The following ATP10B variants were observed in gnomAD, a reference collection of about 807,000 sequenced individuals.
ATP10B encodes ATPase phospholipid transporting 10B (putative).
In ATP10B, 122 loss-of-function variants were observed where a neutral mutation model predicts 141.2. That is an observed-to-expected ratio of 0.86 (90% CI 0.75 to 1.00). The LOEUF is 1.00. Ranked by LOEUF, ATP10B falls within the 50% of genes least tolerant of loss-of-function variation. The pLI is 0.00. For synonymous variants in ATP10B, 685 were observed against 692.0 expected (o/e 0.99, Z 0.16); for missense variants, 1,876 against 1,825.3 (o/e 1.03, Z -0.51).
At chr5:160,814,611 T>C (rs908731531) in intron 1 of ATP10B, among the ~76,000 whole-genome samples, 7 of 151,450 alleles carry the variant, frequency 4.6e-5, no homozygotes, top group African/African-American at 1.7e-4. Flanking sequence ...CAGGCCAACA[T>C]TCAAATTCAG....
chr5:160,866,208 A>G, the ATP10B span, among the ~76,000 whole-genome samples: 1 of 152,196 alleles, frequency 6.6e-6, no homozygotes, highest in Admixed American at 6.6e-5. Context: ...GTATATATAC[A>G]TCATGGAATA....
At chr5:160,813,700 G>A (rs571084711) in intron 1 of ATP10B, among the ~76,000 whole-genome samples, 144 of 152,320 alleles carry the variant, frequency 9.5e-4, no homozygotes, top group Middle Eastern at 3.4e-3. Flanking sequence ...GTGGGTCCCT[G>A]ACCCCTGAGT....
chr5:160,653,720 C>CAT (rs1223405679), intron 7 of ATP10B, among the ~76,000 whole-genome samples: 1 of 123,236 alleles, frequency 8.1e-6, no homozygotes, highest in Non-Finnish European at 1.6e-5. Flanking sequence ...TACATATATA[C>CAT]ATATATATTA....
At chr5:160,845,912 C>G (rs1041433795) in intron 1 of ATP10B, among the ~76,000 whole-genome samples, 2 of 152,072 alleles carry the variant, frequency 1.3e-5, no homozygotes. Flanking sequence ...TGTCTTTTCC[C>G]TATCTTATAT....
the ATP10B span, among the ~76,000 whole-genome samples, chr5:160,874,821 G>A: frequency 6.7e-6 from 1 of 148,330 alleles, no homozygotes; most frequent in Non-Finnish European, 1.5e-5. Flanking sequence ...AAGTGAGAAG[G>A]GAAGTTTAGA....
rs563650640 is a variant in ATP10B at position 160,731,984 on chromosome 5, A to G, written c.-330-14950T>C. ...CTTCATTATATCGAGGATGTTGAAC[A>G]GGTAAGACCCCCAAAAATGTGACCA... is the stretch of plus-strand genomic sequence containing the variant. On this transcript the variant is annotated intron_variant, in intron 2 of 25. Transcript: ENST00000327245. Among the ~76,000 whole-genome samples, 112 of 152,324 alleles carry G rather than the reference A, an allele frequency of 7.4e-4. 3 individuals carry two copies. In the South Asian group the frequency reaches 0.023, roughly 31 times the overall value.
In ATP10B at chr5:160,622,448, G is replaced by C; in HGVS notation, c.1758C>G (p.Ala586=). 6.2e-7 allele frequency: 1 copy of C among 1,614,126 alleles called. No homozygotes were observed. The highest frequency in any genetic ancestry group is 1.3e-5 in the African/African-American group (1 of 75,042). ...TTSSIADFFL[A]LTICNSVMVS... ...CCATGACAGAGTTGCAGATGGTTAA[G>C]GCAAGGAAGAAATCAGCAATGGAGG... The change falls in exon 14 of 26, where the codon GCC becomes GCG. Residue 586 remains alanine (A), a synonymous_variant. Coordinates refer to ENST00000327245, the MANE Select transcript of ATP10B (RefSeq NM_025153.3).
intron 2 of ATP10B, among the ~76,000 whole-genome samples, chr5:160,749,643 TG>T (rs760631452): frequency 1.9e-4 from 29 of 152,180 alleles, no homozygotes; most frequent in Admixed American, 1.3e-3. Context: ...GTCTCATACC[TG>T]GCATTTAAAA....
rs564979838 is a variant in ATP10B, at chr5:160,625,692, A to C, written c.1621-3107T>G. Among the ~76,000 whole-genome samples the C allele has an allele frequency of 5.5e-4, 84 of 152,296 alleles. 2 individuals carry two copies. The highest frequency in any genetic ancestry group is 1.9e-3 in the African/African-American group (77 of 41,566). On this transcript the variant is annotated intron_variant, in intron 13 of 25. Transcript: ENST00000327245. ...ATTTCCAAATGCTGACACAGTTAAC[A>C]TGCTTCAAGTTATTTAGTCCATTTT...
the ATP10B span, among the ~76,000 whole-genome samples, chr5:160,896,503 G>A: frequency 1.4e-3 from 208 of 152,182 alleles, no homozygotes; most frequent in African/African-American, 4.8e-3. Flanking sequence ...GGAAGAAGTC[G>A]AATCCCTGAA....
At chr5:160,861,681 T>G in the ATP10B span, among the ~76,000 whole-genome samples, 2 of 151,874 alleles carry the variant, frequency 1.3e-5, no homozygotes, top group Non-Finnish European at 2.9e-5. Flanking sequence ...GTTTTTTCTA[T>G]TGATAAGAAA....
intron 2 of ATP10B, among the ~76,000 whole-genome samples, chr5:160,780,449 C>A (rs1770640820): frequency 6.6e-6 from 1 of 152,142 alleles, no homozygotes; most frequent in South Asian, 2.1e-4. Context: ...TAACCACATA[C>A]AAAACTCTAA....
At chr5:160,632,451 G>C (rs973911124) in intron 12 of ATP10B, 84 bp from the exon 13 acceptor site, 4 of 1,322,184 alleles carry the variant, frequency 3.0e-6, no homozygotes, top group Admixed American at 1.7e-5. Context: ...TGTGGGGGGT[G>C]GTAAGAGCAT....
chr5:160,863,645 G>C, the ATP10B span, among the ~76,000 whole-genome samples: 1 of 151,668 alleles, frequency 6.6e-6, no homozygotes, highest in Non-Finnish European at 1.5e-5. Context: ...AAATACAAGG[G>C]ATAAATGAAA....
the ATP10B span, among the ~76,000 whole-genome samples, chr5:160,898,609 C>A: frequency 8.5e-5 from 13 of 152,126 alleles, no homozygotes; most frequent in African/African-American, 3.1e-4. Flanking sequence ...GATCTAGAAC[C>A]AGAAATACCA....
intron 2 of ATP10B, among the ~76,000 whole-genome samples, chr5:160,777,659 CA>C (rs1403736146): frequency 7.9e-5 from 12 of 152,296 alleles, no homozygotes; most frequent in African/African-American, 2.6e-4. Flanking sequence ...AACCTGGCTC[CA>C]GCAGTGACTA....
intron 1 of ATP10B, among the ~76,000 whole-genome samples, chr5:160,847,239 T>C (rs1253700633): frequency 6.6e-6 from 1 of 152,196 alleles, no homozygotes; most frequent in Non-Finnish European, 1.5e-5. Context: ...TGCCAATATT[T>C]GAGTGTATCT....
the ATP10B span, among the ~76,000 whole-genome samples, chr5:160,874,981 C>T: frequency 3.6e-4 from 43 of 121,092 alleles, no homozygotes; most frequent in Middle Eastern, 3.5e-3. Flanking sequence ...TCCAGGAGAA[C>T]TTCCCCAATC....
intron 22 of ATP10B, among the ~76,000 whole-genome samples, chr5:160,595,391 A>G (rs1352534253): frequency 6.6e-6 from 1 of 152,114 alleles, no homozygotes; most frequent in African/African-American, 2.4e-5. Context: ...CATTTAAAGC[A>G]GTGTGTAGAG....
Sources: allele counts gnomAD v4.1 joint callset (sites outside exome capture counted in the v4.1 genomes callset), GRCh38; gene constraint gnomAD v4.1.1; transcripts MANE v1.5; gene names NCBI Gene and HGNC (gene_info 2026-07-23, HGNC 2026-07-21).